The following PSMA1 variants were observed in gnomAD, a reference collection of about 807,000 sequenced individuals.
PSMA1 encodes the protein proteasome 20S subunit alpha 1, also known as proteasome subunit alpha type-1.
A neutral mutation model predicts 38.4 loss-of-function variants in PSMA1; 3 were observed. The ratio of observed to expected loss-of-function variants is 0.08; its 90% CI spans 0.04 to 0.20. PSMA1 has a LOEUF of 0.20. Among genes scored for constraint, PSMA1 ranks in the 10% least tolerant of loss-of-function variants. The probability of loss-of-function intolerance (pLI) is 1.00; values close to 1 mark genes in which losing one functional copy is unlikely to be tolerated. For synonymous variants in PSMA1, 101 were observed against 107.1 expected, an observed-to-expected ratio of 0.94 and a Z score of 0.35; for missense variants, 227 against 325.3, an observed-to-expected ratio of 0.70 and a Z score of 2.32.
chr11:14,577,350 G>T (rs1210576131), intron 2 of PSMA1, among the ~76,000 whole-genome samples: 1 of 152,096 alleles, frequency 6.6e-6, no homozygotes, highest in Non-Finnish European at 1.5e-5. Context: ...GTGAAGGCAG[G>T]ATCTGAACTC....
Position 14,596,729 on chromosome 11 carries a change from C to A in PSMA1, c.21+14237G>T, listed in dbSNP as rs151285901. Among the ~76,000 whole-genome samples the A allele has an allele frequency of 4.8e-3, 732 of 152,224 alleles. 4 individuals carry two copies. The highest frequency in any genetic ancestry group is 0.023 in the South Asian group (112 of 4,812). On this transcript the variant is annotated intron_variant, in intron 2 of 10. Coordinates refer to the PSMA1 transcript ENST00000418988. Reference sequence around the variant, plus strand: ...ACTTCCTCATTTCCTAATTGAATACCCTTTATTTCTTTCCCTTGACTGATT... The same window carrying A: ...ACTTCCTCATTTCCTAATTGAATACACTTTATTTCTTTCCCTTGACTGATT...
intron 9 of PSMA1, among the ~76,000 whole-genome samples, chr11:14,505,936 A>T (rs1565030279): frequency 6.6e-6 from 1 of 152,166 alleles, no homozygotes; most frequent in Admixed American, 6.5e-5. Flanking sequence ...GCTTGAGCCC[A>T]GGAGTTCAAC....
At chr11:14,608,349 T>C (rs1257031538) in intron 2 of PSMA1, among the ~76,000 whole-genome samples, 2 of 151,700 alleles carry the variant, frequency 1.3e-5, no homozygotes, top group African/African-American at 2.4e-5. Flanking sequence ...ACCCTGTCTC[T>C]ATTATATATA....
chr11:14,628,345 T>G, intron 1 of PSMA1, among the ~76,000 whole-genome samples: 1 of 103,616 alleles, frequency 9.7e-6, no homozygotes, highest in African/African-American at 4.0e-5. Context: ...GTCCCCAGAG[T>G]GTGATATTCC....
rs1315950496 is a variant in PSMA1 at position 14,616,451 on chromosome 11, T to C, written c.-165-5300A>G. Among the ~76,000 whole-genome samples the C allele has an allele frequency of 2.6e-5, 4 of 152,156 alleles. No homozygotes were observed. In the East Asian group the frequency reaches 7.7e-4, roughly 29 times the overall value. Reference sequence around the variant, plus strand: ...TCTCACCATGTTGGCTAGGCTGGTCTCGAACTCCTGACCCAAATGATCTGC... The same window carrying C: ...TCTCACCATGTTGGCTAGGCTGGTCCCGAACTCCTGACCCAAATGATCTGC... On this transcript the variant is annotated intron_variant, in intron 1 of 10. Coordinates refer to the PSMA1 transcript ENST00000418988.
At position 14,510,881 on chromosome 11, in the gene PSMA1, C is replaced by T. The variant is rs73422366; in HGVS notation, c.615G>A (p.Leu205=). The T allele has an allele frequency of 1.4e-5, 22 of 1,601,678 alleles. No individual in the cohort carries two copies. In the African/African-American group the frequency reaches 3.0e-4, roughly 21 times the overall value. ...AAAAGACAATACTTACCTTTGTAGT[C>T]AGGTCCTGTTCTGCAGGAAGCGTCT... is the stretch of plus-strand genomic sequence containing the variant. ...LRETLPAEQD[L]TTKNVSIGIV... is the part of the protein sequence containing the mutation. Residue 205 remains leucine, a synonymous_variant, in exon 8 of 10, where the codon CTG becomes CTA. Coordinates refer to ENST00000396394, the MANE Select transcript of PSMA1 (RefSeq NM_002786.4).
At position 14,592,394 on chromosome 11, in the gene PSMA1, A is replaced by ATATATATT. The variant is rs1353768420; in HGVS notation, c.21+18571_21+18572insAATATATA. On this transcript the variant is annotated intron_variant, in intron 2 of 10. Transcript: ENST00000418988. The stretch of plus-strand genomic sequence containing the variant: ...TCTCTCTCTATATATATATATATAT[A>ATATATATT]TTTTTTTTTTAGATGGAGTCTCGCT... 3.6e-5 allele frequency among the ~76,000 whole-genome samples: 5 copies of ATATATATT among 138,142 alleles called. No homozygotes were observed. The East Asian group carries it at 6.3e-4, about 17-fold the overall frequency. The allele number at this position is 138,142 out of a possible 152,430, so 90.6% of individuals were successfully genotyped here.
chr11:14,635,193 G>A (rs1468428202), intron 1 of PSMA1, among the ~76,000 whole-genome samples: 1 of 152,196 alleles, frequency 6.6e-6, no homozygotes, highest in East Asian at 1.9e-4. Flanking sequence ...CCATAGCCAT[G>A]AAGTTTACTG....
At chr11:14,505,449 A>C (rs973381275) in intron 9 of PSMA1, among the ~76,000 whole-genome samples, 2 of 152,182 alleles carry the variant, frequency 1.3e-5, no homozygotes, top group Admixed American at 1.3e-4. Flanking sequence ...TGAGGGAATA[A>C]AGATTTTTTA....
rs541997043 is a variant in PSMA1 at position 14,559,514 on chromosome 11, G to A, written c.22-40473C>T. Reference sequence around the variant, plus strand: ...GGACTAGTGGCTTTCTGGAAGGATGGGATGGAAAAGCTCAGGACTTAACAC... The same window carrying A: ...GGACTAGTGGCTTTCTGGAAGGATGAGATGGAAAAGCTCAGGACTTAACAC... On this transcript the variant is annotated intron_variant, in intron 2 of 10. Transcript: ENST00000418988. Among the ~76,000 whole-genome samples the A allele has an allele frequency of 6.8e-4, 103 of 152,274 alleles. 2 individuals carry two copies. In the South Asian group the frequency reaches 0.021, roughly 31 times the overall value.
At chr11:14,561,564 T>G (rs2134173309) in intron 2 of PSMA1, among the ~76,000 whole-genome samples, 1 of 152,322 alleles carries the variant, frequency 6.6e-6, no homozygotes, top group East Asian at 1.9e-4. Context: ...ATAATTCTTC[T>G]CAAATCTCTT....
intron 2 of PSMA1, 119 bp from the exon 3 acceptor site, chr11:14,518,100 G>C (rs1851464786): frequency 2.8e-6 from 2 of 716,052 alleles, no homozygotes; most frequent in Admixed American, 3.4e-5. Context: ...TTTTAATCAA[G>C]AGACCTTTTT....
intron 2 of PSMA1, among the ~76,000 whole-genome samples, chr11:14,580,263 T>C (rs1182612862): frequency 6.6e-6 from 1 of 152,216 alleles, no homozygotes; most frequent in Admixed American, 6.5e-5. Flanking sequence ...CCTCAAAGAC[T>C]GTCTGCTCCT....
chr11:14,523,186 G>T (rs1851547928), upstream of PSMA1, among the ~76,000 whole-genome samples: 1 of 152,150 alleles, frequency 6.6e-6, no homozygotes, highest in Non-Finnish European at 1.5e-5. Flanking sequence ...AGTCCCAAGG[G>T]CTTATTAAAG....
intron 2 of PSMA1, among the ~76,000 whole-genome samples, chr11:14,549,558 G>A (rs140987792): frequency 0.012 from 1,800 of 152,106 alleles, 23 homozygotes; most frequent in Non-Finnish European, 0.017. Context: ...AAAATTAGCC[G>A]GGCATGGTGG....
At chr11:14,575,672 G>A (rs1328788485) in intron 2 of PSMA1, among the ~76,000 whole-genome samples, 4 of 152,092 alleles carry the variant, frequency 2.6e-5, no homozygotes, top group Non-Finnish European at 5.9e-5. Context: ...TTGGACATTT[G>A]GGTTGGTTCC....
rs1306400260 is a variant in PSMA1, at chr11:14,507,784, G to A, written c.625-18C>T. The A allele has an allele frequency of 6.9e-7, 1 of 1,447,610 alleles. No individual in the cohort carries two copies. Among genetic ancestry groups the A allele is most frequent in the Non-Finnish European group, 9.6e-7 (1 of 1,040,162 alleles). The allele number at this position is 1,447,610 out of a possible 1,614,324, so 89.7% of individuals were successfully genotyped here. ...GAAACATTCTGAAGGGTAAAATATG[G>A]TAAAAGTAAAATAAGAGAATTTGGA... On this transcript the variant is annotated intron_variant, in intron 8 of 9. Coordinates refer to ENST00000396394, the MANE Select transcript of PSMA1 (RefSeq NM_002786.4).
At chr11:14,585,238 A>C (rs982446617) in intron 2 of PSMA1, among the ~76,000 whole-genome samples, 4 of 152,278 alleles carry the variant, frequency 2.6e-5, no homozygotes, top group East Asian at 1.9e-4. Context: ...AAGGCTGCCA[A>C]AGGTATAACA....
At chr11:14,521,669 G>A (rs1851531621), upstream of PSMA1, among the ~76,000 whole-genome samples, 2 of 151,238 alleles carry the variant, frequency 1.3e-5, no homozygotes, top group Admixed American at 6.6e-5. Flanking sequence ...AGGAGGCTGA[G>A]GCAGGAGAAT....
Sources: allele counts gnomAD v4.1 joint callset (sites outside exome capture counted in the v4.1 genomes callset), GRCh38; gene constraint gnomAD v4.1.1; transcripts MANE v1.5; gene names NCBI Gene and HGNC (gene_info 2026-07-23, HGNC 2026-07-21).